Variants in ZCWPW2 observed in about 807,000 individuals in gnomAD.
ZCWPW2 encodes zinc finger CW-type and PWWP domain containing 2.
A neutral mutation model predicts 46.6 loss-of-function variants in ZCWPW2; 45 were observed. The ratio of observed to expected loss-of-function variants is 0.96; its 90% CI spans 0.76 to 1.24. ZCWPW2 has a LOEUF of 1.24. Ranked by LOEUF, ZCWPW2 falls within the 50% of genes most tolerant of loss-of-function variation. The pLI is 0.00. For synonymous variants in ZCWPW2, 152 were observed against 137.1 expected (o/e 1.11, Z -0.76); for missense variants, 429 against 403.9 (o/e 1.06, Z -0.53).
chr3:28,441,480 G>A (rs1697756322), intron 4 of ZCWPW2, among the ~76,000 whole-genome samples: 1 of 152,162 alleles, frequency 6.6e-6, no homozygotes, highest in Non-Finnish European at 1.5e-5. Flanking sequence ...CTTCAGGGAT[G>A]TCCTAGAAAG....
At chr3:28,363,141 T>G (rs972253733) in intron 1 of ZCWPW2, among the ~76,000 whole-genome samples, 2 of 151,900 alleles carry the variant, frequency 1.3e-5, no homozygotes, top group African/African-American at 4.8e-5. Context: ...GCTGAGGAAA[T>G]AATCTGTACA....
chr3:28,401,447 T>C (rs550229999), intron 2 of ZCWPW2, among the ~76,000 whole-genome samples: 1 of 152,200 alleles, frequency 6.6e-6, no homozygotes, highest in Non-Finnish European at 1.5e-5. Flanking sequence ...CAATTACTAA[T>C]AGACCTAAGA....
intron 2 of ZCWPW2, among the ~76,000 whole-genome samples, chr3:28,391,438 T>C (rs1468815077): frequency 6.6e-6 from 1 of 151,700 alleles, no homozygotes; most frequent in Non-Finnish European, 1.5e-5. Flanking sequence ...AAAATAGCCC[T>C]GGGAGGGCTC....
At chr3:28,440,345 G>T (rs781747939) in intron 4 of ZCWPW2, among the ~76,000 whole-genome samples, 4 of 152,106 alleles carry the variant, frequency 2.6e-5, no homozygotes, top group African/African-American at 9.7e-5. Context: ...CTTGAACTAA[G>T]ACCTCTAGGC....
At chr3:28,355,477 T>C (rs1231391693) in intron 1 of ZCWPW2, among the ~76,000 whole-genome samples, 2 of 152,270 alleles carry the variant, frequency 1.3e-5, no homozygotes. Context: ...AATGACTTTC[T>C]TCACAGAATT....
At position 28,348,825 on chromosome 3, in the gene ZCWPW2, G is replaced by C; in HGVS notation, c.-512G>C. On this transcript the variant is annotated 5_prime_UTR_variant, in exon 1 of 10. Coordinates refer to ENST00000383768, the MANE Select transcript of ZCWPW2 (RefSeq NM_001040432.4). ...GGAGCCCGGGACGTTCTGGAAGGAG[G>C]GACGAGCCGAGGCAGGAGGGGCCGG... is the stretch of plus-strand genomic sequence containing the variant. 1 of 416,590 alleles carries C rather than the reference G, an allele frequency of 2.4e-6. No homozygotes were observed. The highest frequency in any genetic ancestry group is 3.2e-6 in the Non-Finnish European group (1 of 309,766). 25.8% of individuals were successfully genotyped at this position (416,590 alleles called of 1,614,324 possible). A position where few individuals can be genotyped will look rare whatever the true frequency, so the allele number is the denominator to read the frequency against.
chr3:28,481,696 T>C (rs1013028250), intron 5 of ZCWPW2, among the ~76,000 whole-genome samples: 19 of 152,260 alleles, frequency 1.2e-4, no homozygotes, highest in African/African-American at 4.6e-4. Flanking sequence ...CAAGTAGCAA[T>C]GATTTTTTTT....
intron 2 of ZCWPW2, among the ~76,000 whole-genome samples, chr3:28,400,251 A>G (rs1178089007): frequency 6.6e-6 from 1 of 152,056 alleles, no homozygotes; most frequent in Non-Finnish European, 1.5e-5. Context: ...ACAACAACAA[A>G]AAAGAAAATA....
chr3:28,502,632 A>G (rs1330338535), intron 6 of ZCWPW2, among the ~76,000 whole-genome samples: 1 of 152,100 alleles, frequency 6.6e-6, no homozygotes, highest in Non-Finnish European at 1.5e-5. Context: ...CGAAGACCAC[A>G]TTATTCCCCG....
intron 5 of ZCWPW2, among the ~76,000 whole-genome samples, chr3:28,481,698 AT>A (rs559662624): frequency 9.3e-5 from 14 of 150,572 alleles, no homozygotes; most frequent in East Asian, 3.9e-4. Flanking sequence ...AGTAGCAATG[AT>A]TTTTTTTTTC....
At chr3:28,422,785 T>G (rs9683360) in intron 3 of ZCWPW2, among the ~76,000 whole-genome samples, 45,522 of 151,680 alleles carry the variant, frequency 0.3, 7,062 homozygotes, top group African/African-American at 0.35. Flanking sequence ...GTGTGTGTGT[T>G]TTTTTTTAAG....
intron 6 of ZCWPW2, among the ~76,000 whole-genome samples, chr3:28,498,630 G>C (rs1341117103): frequency 6.6e-6 from 1 of 151,326 alleles, no homozygotes; most frequent in East Asian, 1.9e-4. Flanking sequence ...AGTTCTATTA[G>C]ACAGTTAGGA....
intron 3 of ZCWPW2, among the ~76,000 whole-genome samples, chr3:28,433,755 TAAA>T (rs573649203): frequency 1.5e-5 from 2 of 133,548 alleles, no homozygotes; most frequent in African/African-American, 2.7e-5. Flanking sequence ...GACTCCCTCT[TAAA>T]AAAAAAAAAA....
chr3:28,352,604 ATTGAC>A (rs1482481682), intron 1 of ZCWPW2, among the ~76,000 whole-genome samples: 1 of 151,992 alleles, frequency 6.6e-6, no homozygotes, highest in Non-Finnish European at 1.5e-5. Flanking sequence ...GAAGGACCAA[ATTGAC>A]TTATCAGTTG....
At chr3:28,473,810 G>A (rs1432885043) in intron 4 of ZCWPW2, among the ~76,000 whole-genome samples, 1 of 152,156 alleles carries the variant, frequency 6.6e-6, no homozygotes, top group East Asian at 1.9e-4. Context: ...TTATTTGTGG[G>A]AGCTAAAAAT....
chr3:28,524,691 C>T lies in ZCWPW2; in HGVS notation c.*3C>T. 1 of 1,475,636 alleles carries T rather than the reference C, an allele frequency of 6.8e-7. No individual in the cohort carries two copies. The allele number at this position is 1,475,636 out of a possible 1,614,324, so 91.4% of individuals were successfully genotyped here. On this transcript the variant is annotated 3_prime_UTR_variant, in exon 10 of 10. Transcript: ENST00000383768. ...ATGCTTTGATGTCTGAGTTTTAGAA[C>T]ATTATACATTTTTCAAATTAATTAT...
intron 4 of ZCWPW2, among the ~76,000 whole-genome samples, chr3:28,442,941 GCT>G (rs765687441): frequency 1.3e-5 from 2 of 152,132 alleles, no homozygotes; most frequent in Non-Finnish European, 2.9e-5. Flanking sequence ...AGCTCTAATG[GCT>G]TCTATTTGGC....
intron 1 of ZCWPW2, among the ~76,000 whole-genome samples, chr3:28,389,269 G>T (rs1442488438): frequency 2.0e-5 from 3 of 152,164 alleles, no homozygotes; most frequent in African/African-American, 7.2e-5. Context: ...GGCAGACCTA[G>T]AAGCTTTCAG....
chr3:28,495,346 T>C (rs1699952226), intron 6 of ZCWPW2, among the ~76,000 whole-genome samples: 1 of 152,114 alleles, frequency 6.6e-6, no homozygotes. Flanking sequence ...TAGACAGGAA[T>C]ATGTGAAGTA....
Sources: allele counts gnomAD v4.1 joint callset (sites outside exome capture counted in the v4.1 genomes callset), GRCh38; gene constraint gnomAD v4.1.1; transcripts MANE v1.5; gene names NCBI Gene and HGNC (gene_info 2026-07-23, HGNC 2026-07-21).